Variants in GABRG2 observed in about 807,000 individuals in gnomAD.
GABRG2 encodes gamma-aminobutyric acid type A receptor subunit gamma2, also known as gamma-aminobutyric acid receptor subunit gamma-2.
Under a neutral mutation model 56.4 loss-of-function variants are expected in GABRG2, and 16 were observed. That is an observed-to-expected ratio of 0.28 (90% CI 0.19 to 0.43). The LOEUF is 0.43. Ranked by LOEUF, GABRG2 falls within the 20% of genes least tolerant of loss-of-function variation. The pLI is 1.00. For synonymous variants in GABRG2, 208 were observed against 205.5 expected (o/e 1.01, Z -0.10); for missense variants, 327 against 582.7 (o/e 0.56, Z 4.52).
rs371881142 is a variant in GABRG2, at chr5:162,147,515, C to T, written c.923-1593C>T. On this transcript the variant is annotated intron_variant, in intron 7 of 9. Coordinates refer to ENST00000639213, the MANE Select transcript of GABRG2 (RefSeq NM_198904.4). ...GAGTAGCTGGGATTACAGGCACCCA[C>T]CACCAAGCCCAGCTAACTTTTTGTA... Among the ~76,000 whole-genome samples, 214 of 152,182 alleles carry T rather than the reference C, an allele frequency of 1.4e-3. 2 individuals carry two copies. The highest frequency in any genetic ancestry group is 5.0e-3 in the African/African-American group (206 of 41,526).
intron 6 of GABRG2, among the ~76,000 whole-genome samples, chr5:162,127,139 A>G (rs1763391924): frequency 6.6e-6 from 1 of 151,976 alleles, no homozygotes; most frequent in African/African-American, 2.4e-5. Flanking sequence ...AGATTAAGAT[A>G]GCAGGATTGC....
intron 6 of GABRG2, among the ~76,000 whole-genome samples, chr5:162,111,122 T>C (rs957324967): frequency 6.6e-6 from 1 of 152,158 alleles, no homozygotes; most frequent in African/African-American, 2.4e-5. Flanking sequence ...TATAAATGAA[T>C]ATTTTTCTAG....
chr5:162,127,399 T>A (rs766349), intron 6 of GABRG2, among the ~76,000 whole-genome samples: 60 of 152,032 alleles, frequency 3.9e-4, no homozygotes, highest in Non-Finnish European at 7.7e-4. Flanking sequence ...TAATCACCTA[T>A]ATGGTATGCT....
intron 1 of GABRG2, among the ~76,000 whole-genome samples, chr5:162,082,514 A>T (rs1410649320): frequency 6.6e-6 from 1 of 151,732 alleles, no homozygotes; most frequent in Non-Finnish European, 1.5e-5. Flanking sequence ...ATTGTTCCAG[A>T]ATTCCAGGAA....
chr5:162,085,815 TAA>T (rs1760051733), intron 1 of GABRG2, among the ~76,000 whole-genome samples: 2 of 151,928 alleles, frequency 1.3e-5, no homozygotes, highest in Admixed American at 1.3e-4. Context: ...CACTTATAAG[TAA>T]GAATATGCGG....
chr5:162,070,607 T>G (rs1758595584), intron 1 of GABRG2, among the ~76,000 whole-genome samples: 1 of 151,932 alleles, frequency 6.6e-6, no homozygotes, highest in Non-Finnish European at 1.5e-5. Context: ...GTGACAAAAT[T>G]TATTAGTCTA....
intron 5 of GABRG2, chr5:162,103,520 G>A: frequency 4.6e-6 from 1 of 219,084 alleles, no homozygotes; most frequent in Non-Finnish European, 9.4e-6. Flanking sequence ...TCTGTTAACT[G>A]CCTTTCACTG....
At chr5:162,124,083 A>G (rs998590574) in intron 6 of GABRG2, among the ~76,000 whole-genome samples, 10 of 151,866 alleles carry the variant, frequency 6.6e-5, no homozygotes, top group African/African-American at 2.4e-4. Context: ...GCTTCCCCAG[A>G]GAGAAAGTGT....
At position 162,110,648 on chromosome 5, in the gene GABRG2, C is replaced by T. The variant is rs1762187812; in HGVS notation, c.769+6622C>T. 2.0e-5 allele frequency among the ~76,000 whole-genome samples: 3 copies of T among 151,852 alleles called. 1 individual carries two copies. The stretch of plus-strand genomic sequence containing the variant: ...GGAAGGGAAACAACAACAACAACAA[C>T]AACAACAACAAAAACTAAATGAAAA... On this transcript the variant is annotated intron_variant, in intron 6 of 9. Coordinates refer to ENST00000639213, the MANE Select transcript of GABRG2 (RefSeq NM_198904.4).
At chr5:162,068,252 C>A in intron 1 of GABRG2, 146 bp downstream of exon 1, 2 of 695,024 alleles carry the variant, frequency 2.9e-6, no homozygotes, top group Non-Finnish European at 5.3e-6. Context: ...ATATATGGGG[C>A]GGGGACTGGA....
chr5:162,107,755 A>T (rs1485981350), intron 6 of GABRG2, among the ~76,000 whole-genome samples: 1 of 152,182 alleles, frequency 6.6e-6, no homozygotes, highest in East Asian at 1.9e-4. Context: ...CCATTGCCCC[A>T]GTGAGCCAGG....
intron 7 of GABRG2, among the ~76,000 whole-genome samples, chr5:162,143,536 C>T (rs868107785): frequency 1.3e-5 from 2 of 152,152 alleles, no homozygotes; most frequent in South Asian, 2.1e-4. Context: ...AGCTAGTGGA[C>T]GTGAACAAAA....
At chr5:162,078,278 G>C (rs527398338) in intron 1 of GABRG2, among the ~76,000 whole-genome samples, 1 of 147,418 alleles carries the variant, frequency 6.8e-6, no homozygotes, top group Admixed American at 6.8e-5. Context: ...CTCACAAATA[G>C]TGTTATGCCA....
rs1385924087 is a variant in GABRG2 at position 162,077,105 on chromosome 5, GTGTGTGA to G, written c.107+9003_107+9009del. 4.6e-3 allele frequency among the ~76,000 whole-genome samples: 659 copies of G among 142,116 alleles called. 6 individuals are homozygous for G. Among genetic ancestry groups the G allele is most frequent in the African/African-American group, 0.017 (632 of 36,718 alleles). The allele number at this position is 142,116 out of a possible 152,430, so 93.2% of individuals were successfully genotyped here. On this transcript the variant is annotated intron_variant, in intron 1 of 9. Coordinates refer to ENST00000639213, the MANE Select transcript of GABRG2 (RefSeq NM_198904.4). ...TGTGTGTGTGTGTGTGTGTGTGTGT[GTGTGTGA>G]TGTTTCTATCACATCAGTATGTTTT...
chr5:162,069,325 A>G (rs1299464794), intron 1 of GABRG2, among the ~76,000 whole-genome samples: 1 of 152,202 alleles, frequency 6.6e-6, no homozygotes, highest in Non-Finnish European at 1.5e-5. Context: ...CTCATATCCT[A>G]CCAATATAAA....
intron 3 of GABRG2, 28 bp downstream of exon 3, chr5:162,095,590 T>A: frequency 6.8e-7 from 1 of 1,476,082 alleles, no homozygotes; most frequent in South Asian, 1.1e-5. Context: ...ATTCTTTGTC[T>A]GTTTTATTAG....
At chr5:162,070,627 A>G (rs1758597837) in intron 1 of GABRG2, among the ~76,000 whole-genome samples, 2 of 152,068 alleles carry the variant, frequency 1.3e-5, no homozygotes, top group African/African-American at 4.8e-5. Context: ...ATGTCTTTAC[A>G]AAAGTGAAAC....
intron 1 of GABRG2, among the ~76,000 whole-genome samples, chr5:162,082,955 A>G (rs534086672): frequency 1.3e-5 from 2 of 151,834 alleles, no homozygotes; most frequent in African/African-American, 2.4e-5. Flanking sequence ...CAGATTTGGC[A>G]TTTGTTTACC....
At chr5:162,124,297 AAAGT>A (rs1435590525) in intron 6 of GABRG2, among the ~76,000 whole-genome samples, 2 of 151,954 alleles carry the variant, frequency 1.3e-5, no homozygotes, top group African/African-American at 4.8e-5. Context: ...TACAACAAAT[AAAGT>A]GAGTAGAAAG....
Sources: allele counts gnomAD v4.1 joint callset (sites outside exome capture counted in the v4.1 genomes callset), GRCh38; gene constraint gnomAD v4.1.1; transcripts MANE v1.5; gene names NCBI Gene and HGNC (gene_info 2026-07-23, HGNC 2026-07-21).